NTNG1: variants seen among roughly 807,000 people sequenced by gnomAD.
NTNG1 encodes netrin G1.
A neutral mutation model predicts 54.0 loss-of-function variants in NTNG1; 16 were observed. That is an observed-to-expected ratio of 0.30 (90% CI 0.20 to 0.45). NTNG1 has a LOEUF of 0.45. Ranked by LOEUF, NTNG1 falls within the 20% of genes least tolerant of loss-of-function variation. NTNG1 has a pLI of 1.00. For missense variants in NTNG1, 530 were observed against 678.7 expected (o/e 0.78, Z 2.43); for synonymous variants, 255 against 263.1 (o/e 0.97, Z 0.30).
intron 7 of NTNG1, among the ~76,000 whole-genome samples, chr1:107,459,113 A>G (rs1329059298): frequency 6.6e-6 from 1 of 152,178 alleles, no homozygotes; most frequent in African/African-American, 2.4e-5. Flanking sequence ...CACACTATCT[A>G]TTATTACCTG....
intron 2 of NTNG1, among the ~76,000 whole-genome samples, chr1:107,297,248 C>CATATAT (rs1557878514): frequency 0.077 from 4,851 of 63,236 alleles, 308 homozygotes; most frequent in African/African-American, 0.12. Context: ...TATATATATG[C>CATATAT]GCACACACAC....
intron 3 of NTNG1, among the ~76,000 whole-genome samples, chr1:107,346,399 G>C (rs530553088): frequency 6.6e-6 from 1 of 152,308 alleles, no homozygotes; most frequent in East Asian, 1.9e-4. Flanking sequence ...CAGATGCAGA[G>C]TGGGAACTTA....
At chr1:107,403,481 A>T (rs910853763) in intron 4 of NTNG1, among the ~76,000 whole-genome samples, 14 of 152,118 alleles carry the variant, frequency 9.2e-5, no homozygotes, top group Non-Finnish European at 1.0e-4. Context: ...AGGATGAGGC[A>T]GGTGGATCAC....
chr1:107,411,707 C>T (rs751577998), intron 5 of NTNG1, among the ~76,000 whole-genome samples: 4 of 151,974 alleles, frequency 2.6e-5, no homozygotes, highest in South Asian at 2.1e-4. Context: ...GCTAGTGTAG[C>T]GATAGGCAAA....
At position 107,189,710 on chromosome 1, in the gene NTNG1, A is replaced by G. The variant is rs757255432; in HGVS notation, c.246+40871A>G. On this transcript the variant is annotated intron_variant, in intron 2 of 7. Transcript: ENST00000370068. ...CCTATCTGGTGTATAAATTCCCTATATATCACCCTGGACGACAAATAGTTC... is the reference window on the plus strand; with the variant it reads ...CCTATCTGGTGTATAAATTCCCTATGTATCACCCTGGACGACAAATAGTTC... 1.2e-4 allele frequency among the ~76,000 whole-genome samples: 19 copies of G among 152,094 alleles called. 1 individual carries two copies. Among genetic ancestry groups the G allele is most frequent in the South Asian group, 4.1e-4 (2 of 4,820 alleles).
intron 2 of NTNG1, among the ~76,000 whole-genome samples, chr1:107,299,993 C>T (rs773409568): frequency 7.2e-5 from 11 of 152,254 alleles, no homozygotes; most frequent in Admixed American, 2.0e-4. Context: ...AACAACAGTG[C>T]TTCATGGCCG....
intron 7 of NTNG1, among the ~76,000 whole-genome samples, chr1:107,448,950 A>T (rs1347748234): frequency 2.0e-5 from 3 of 152,156 alleles, no homozygotes; most frequent in Admixed American, 2.0e-4. Flanking sequence ...AAAAGGAAAT[A>T]CAAAGTGAGC....
intron 1 of NTNG1, among the ~76,000 whole-genome samples, chr1:107,147,073 C>T (rs571722386): frequency 7.9e-5 from 12 of 152,098 alleles, no homozygotes; most frequent in African/African-American, 2.9e-4. Context: ...CAAATGTTAG[C>T]ATTTGTTCAG....
At chr1:107,434,727 G>A (rs1367486808) in intron 6 of NTNG1, among the ~76,000 whole-genome samples, 2 of 152,094 alleles carry the variant, frequency 1.3e-5, no homozygotes, top group Non-Finnish European at 2.9e-5. Context: ...AGCACCCCCT[G>A]CCAGGTATTT....
At chr1:107,405,828 T>G (rs936394950) in intron 4 of NTNG1, among the ~76,000 whole-genome samples, 1 of 152,096 alleles carries the variant, frequency 6.6e-6, no homozygotes, top group Admixed American at 6.6e-5. Flanking sequence ...ATACTAAAAT[T>G]ATGATGCTGC....
At chr1:107,480,460 A>C in intron 7 of NTNG1, 151 bp from the exon 8 acceptor site, 3 of 592,182 alleles carry the variant, frequency 5.1e-6, no homozygotes, top group Non-Finnish European at 9.1e-6. Context: ...AATTGGAGTC[A>C]CGGGCTTCGT....
rs780863946 is a variant in NTNG1, at chr1:107,324,347, G to A, written c.312G>A (p.Glu104=). Residue 104 remains glutamate, a synonymous_variant, in exon 3 of 8, where the codon GAG becomes GAA. Transcript: ENST00000370068. The part of the protein sequence containing the change: ...ASTPELAHPP[E]LMFDFEGRHP... ...CCCCTGAGCTGGCACACCCCCCTGA[G>A]CTGATGTTTGATTTTGAAGGAAGAC... 2.5e-6 allele frequency: 4 copies of A among 1,613,642 alleles called. No individual in the cohort carries two copies. Among genetic ancestry groups the A allele is most frequent in the Non-Finnish European group, 3.4e-6 (4 of 1,179,808 alleles).
At chr1:107,330,539 G>A (rs1230102543) in intron 3 of NTNG1, among the ~76,000 whole-genome samples, 1 of 152,106 alleles carries the variant, frequency 6.6e-6, no homozygotes, top group Non-Finnish European at 1.5e-5. Context: ...GTCAGATTTT[G>A]GGGAAGACTT....
At chr1:107,180,691 T>G (rs1376118753) in intron 2 of NTNG1, among the ~76,000 whole-genome samples, 9 of 152,160 alleles carry the variant, frequency 5.9e-5, no homozygotes, top group Non-Finnish European at 1.2e-4. Flanking sequence ...ACATTGCTCC[T>G]TAACTCAGAG....
rs1008241566 is a variant in NTNG1 at position 107,370,336 on chromosome 1, A to AT, written c.888-24809dup. On this transcript the variant is annotated intron_variant, in intron 3 of 7. Transcript: ENST00000370068. ...ATTGATAAGTTTAGGGAGAATTGTC[A>AT]TTTTTTTTTGAAAATTTTTTTCAAT... is the stretch of plus-strand genomic sequence containing the variant. 2.0e-3 allele frequency among the ~76,000 whole-genome samples: 301 copies of AT among 148,446 alleles called. 1 individual carries two copies. The highest frequency in any genetic ancestry group is 6.3e-3 in the African/African-American group (256 of 40,476).
chr1:107,272,481 C>A (rs1161677762), intron 2 of NTNG1, among the ~76,000 whole-genome samples: 14 of 152,138 alleles, frequency 9.2e-5, no homozygotes, highest in Admixed American at 9.2e-4. Flanking sequence ...CCACTGGGAA[C>A]ATGGTATTCA....
chr1:107,290,836 C>T (rs1436726638), intron 2 of NTNG1, among the ~76,000 whole-genome samples: 2 of 151,022 alleles, frequency 1.3e-5, no homozygotes, highest in South Asian at 4.2e-4. Context: ...TACATGCTTG[C>T]ATGTAAAACC....
chr1:107,421,511 C>A (rs779607361), intron 5 of NTNG1, among the ~76,000 whole-genome samples: 21 of 151,982 alleles, frequency 1.4e-4, no homozygotes, highest in African/African-American at 1.7e-4. Context: ...TTTCATGAGA[C>A]CAGAAAGGCA....
rs17019188 is a variant in NTNG1, at chr1:107,481,211, C to T, written c.*371C>T. On this transcript the variant is annotated 3_prime_UTR_variant, in exon 8 of 8. Coordinates refer to ENST00000370068, the MANE Select transcript of NTNG1 (RefSeq NM_001113226.3). The stretch of plus-strand genomic sequence containing the variant: ...TCTAGCGTGGTGCGCCCTAGTACGA[C>T]TCCGCCCAGTGTGTGGACCAACCAA... The T allele has an allele frequency of 2.3e-3, 564 of 248,454 alleles. 4 individuals carry two copies. The highest frequency in any genetic ancestry group is 0.012 in the African/African-American group (534 of 45,620). The allele number at this position is 248,454 out of a possible 1,614,324, so 15.4% of individuals were successfully genotyped here.
Sources: gnomAD v4.1 joint callset for allele counts (sites outside exome capture counted in the v4.1 genomes callset) on GRCh38, gnomAD v4.1.1 for gene constraint, MANE v1.5 for transcripts, NCBI Gene and HGNC (gene_info 2026-07-23, HGNC 2026-07-21) for gene names.